STAU2: variants seen among roughly 807,000 people sequenced by gnomAD.
STAU2 encodes the protein staufen double-stranded RNA binding protein 2, also known as double-stranded RNA-binding protein Staufen homolog 2.
A neutral mutation model predicts 65.9 loss-of-function variants in STAU2; 20 were observed. The observed-to-expected ratio is 0.30, with a 90% confidence interval of 0.21 to 0.44. The LOEUF (loss-of-function observed/expected upper bound fraction) is 0.44, where lower values mean the gene tolerates loss of function less well. Among genes scored for constraint, STAU2 ranks in the 20% least tolerant of loss-of-function variants. The pLI is 1.00. For synonymous variants in STAU2, 232 were observed against 233.9 expected (o/e 0.99, Z 0.07); for missense variants, 558 against 683.9 (o/e 0.82, Z 2.05).
At chr8:73,670,258 A>G (rs1817575539) in intron 6 of STAU2, among the ~76,000 whole-genome samples, 1 of 152,180 alleles carries the variant, frequency 6.6e-6, no homozygotes. Context: ...ATGCATCACA[A>G]TTAGAAGCAG....
intron 13 of STAU2, among the ~76,000 whole-genome samples, chr8:73,494,499 A>G (rs1821299231): frequency 6.6e-6 from 1 of 151,698 alleles, no homozygotes. Flanking sequence ...TTTAACCTCT[A>G]TTAATAGACA....
intron 13 of STAU2, among the ~76,000 whole-genome samples, chr8:73,517,836 A>C (rs542430350): frequency 4.7e-4 from 71 of 152,350 alleles, no homozygotes; most frequent in African/African-American, 1.7e-3. Flanking sequence ...TGTGTGCACA[A>C]TATCACTGGA....
chr8:73,562,959 T>A (rs950319951), intron 12 of STAU2, among the ~76,000 whole-genome samples: 3 of 151,842 alleles, frequency 2.0e-5, no homozygotes, highest in African/African-American at 7.3e-5. Context: ...ACTGTATTTT[T>A]AAAATAATAT....
chr8:73,552,661 T>G (rs1337347581), intron 12 of STAU2, among the ~76,000 whole-genome samples: 1 of 152,106 alleles, frequency 6.6e-6, no homozygotes, highest in African/African-American at 2.4e-5. Context: ...CACCCTGCAA[T>G]TTAATATTTT....
At chr8:73,737,374 T>C (rs1336584344) in intron 3 of STAU2, among the ~76,000 whole-genome samples, 1 of 151,980 alleles carries the variant, frequency 6.6e-6, no homozygotes, top group Non-Finnish European at 1.5e-5. Context: ...TTTCCCCATG[T>C]TGGCCAGGCT....
At chr8:73,439,034 C>G (rs999462944) in intron 13 of STAU2, 4 of 456,614 alleles carry the variant, frequency 8.8e-6, no homozygotes, top group South Asian at 3.1e-5. Flanking sequence ...GCAAAACCAT[C>G]CTACCATGGG....
At chr8:73,672,401 T>C (rs1316544646) in intron 6 of STAU2, 2 of 152,142 alleles carry the variant, frequency 1.3e-5, no homozygotes, top group Admixed American at 6.6e-5. Flanking sequence ...GAACATTCTG[T>C]ATCTCGATCT....
intron 13 of STAU2, chr8:73,550,992 A>G: frequency 9.1e-6 from 9 of 986,282 alleles, no homozygotes; most frequent in South Asian, 4.7e-5. Flanking sequence ...TTTCTAAAGG[A>G]TATTACAGTT....
intron 12 of STAU2, among the ~76,000 whole-genome samples, chr8:73,565,535 A>G (rs112852942): frequency 5.3e-5 from 8 of 152,206 alleles, no homozygotes; most frequent in African/African-American, 1.7e-4. Context: ...AATGCAGTAT[A>G]AAAGTGTTCA....
At chr8:73,613,280 T>A (rs1170098446) in intron 9 of STAU2, among the ~76,000 whole-genome samples, 1 of 152,144 alleles carries the variant, frequency 6.6e-6, no homozygotes, top group African/African-American at 2.4e-5. Flanking sequence ...TTTCATGATA[T>A]CCTAAGAAGT....
At chr8:73,542,317 C>T (rs992392286) in intron 13 of STAU2, among the ~76,000 whole-genome samples, 1 of 152,062 alleles carries the variant, frequency 6.6e-6, no homozygotes, top group Middle Eastern at 3.2e-3. Context: ...CCATACCATA[C>T]ATTAAAAATT....
chr8:73,579,959 T>C (rs1260905457), intron 12 of STAU2, among the ~76,000 whole-genome samples: 1 of 152,230 alleles, frequency 6.6e-6, no homozygotes, highest in East Asian at 1.9e-4. Context: ...AAAAATATCT[T>C]CCACTTAAAA....
At chr8:73,468,269 C>A (rs2128904098) in intron 13 of STAU2, among the ~76,000 whole-genome samples, 1 of 152,318 alleles carries the variant, frequency 6.6e-6, no homozygotes, top group South Asian at 2.1e-4. Context: ...AAAGCTGAAA[C>A]TGGATCCCTT....
intron 13 of STAU2, among the ~76,000 whole-genome samples, chr8:73,517,961 GT>G (rs1822829676): frequency 6.6e-6 from 1 of 152,120 alleles, no homozygotes; most frequent in South Asian, 2.1e-4. Flanking sequence ...ATAACTCACT[GT>G]TGGTTCTGGA....
chr8:73,651,378 G>T, intron 6 of STAU2: 1 of 672,196 alleles, frequency 1.5e-6, no homozygotes, highest in Non-Finnish European at 2.8e-6. Flanking sequence ...GAGTGGAAGA[G>T]GCTGGCCAGG....
At chr8:73,593,706 C>A (rs578063071) in intron 11 of STAU2, among the ~76,000 whole-genome samples, 3 of 152,100 alleles carry the variant, frequency 2.0e-5, no homozygotes, top group Non-Finnish European at 4.4e-5. Flanking sequence ...CAGAACAAAA[C>A]GCTGACCTCC....
chr8:73,552,460 A>G, intron 12 of STAU2, 141 bp from the exon 13 acceptor site: 1 of 740,456 alleles, frequency 1.4e-6, no homozygotes. Flanking sequence ...GTCATACTGT[A>G]GAGGCAGTTG....
chr8:73,552,463 G>A, intron 12 of STAU2, 144 bp from the exon 13 acceptor site: 1 of 715,028 alleles, frequency 1.4e-6, no homozygotes, highest in East Asian at 2.7e-5. Flanking sequence ...ATACTGTAGA[G>A]GCAGTTGCAG....
intron 13 of STAU2, among the ~76,000 whole-genome samples, chr8:73,484,205 G>A (rs951443868): frequency 6.6e-6 from 1 of 152,086 alleles, no homozygotes; most frequent in Non-Finnish European, 1.5e-5. Flanking sequence ...CCAACATAAT[G>A]ATATGATATA....
Sources: gnomAD v4.1 joint callset for allele counts (sites outside exome capture counted in the v4.1 genomes callset) on GRCh38, gnomAD v4.1.1 for gene constraint, MANE v1.5 for transcripts, NCBI Gene and HGNC (gene_info 2026-07-23, HGNC 2026-07-21) for gene names.